Variants in XKRX observed in about 807,000 individuals in gnomAD.
XKRX encodes XK related X-linked, also known as XK-related protein 2.
Under a neutral mutation model 22.4 loss-of-function variants are expected in XKRX, and 11 were observed. That is an observed-to-expected ratio of 0.49 (90% CI 0.31 to 0.81). The LOEUF (loss-of-function observed/expected upper bound fraction) is 0.81, where lower values mean the gene tolerates loss of function less well. Among genes scored for constraint, XKRX ranks in the 40% least tolerant of loss-of-function variants. XKRX has a pLI of 0.05. For synonymous variants in XKRX, 114 were observed against 132.2 expected (o/e 0.86, Z 0.94); for missense variants, 320 against 336.5 (o/e 0.95, Z 0.38).
chrX:100,945,063 C>T, the XKRX span, among the ~76,000 whole-genome samples: 1 of 110,343 alleles, frequency 9.1e-6, no homozygotes, highest in Non-Finnish European at 1.9e-5. Context: ...AGTATTGCTT[C>T]TCAAATTTTC....
intron 2 of XKRX, among the ~76,000 whole-genome samples, chrX:100,921,583 C>T (rs764117046): frequency 9.0e-6 from 1 of 111,254 alleles, no homozygotes; most frequent in African/African-American, 3.3e-5. Flanking sequence ...CACACCTATA[C>T]CAGTGCCTGC....
intron 2 of XKRX, among the ~76,000 whole-genome samples, chrX:100,918,422 T>C (rs2085455969): frequency 8.9e-6 from 1 of 111,909 alleles, no homozygotes; most frequent in Admixed American, 9.5e-5. Context: ...GGCGATGCTT[T>C]CCCTTACATT....
chrX:100,917,714 G>GAAATAAATAAATAAAT (rs1163362148), intron 2 of XKRX, among the ~76,000 whole-genome samples: 1 of 105,025 alleles, frequency 9.5e-6, no homozygotes. Context: ...AAGAAAGAAA[G>GAAATAAATAAATAAAT]AAAGAAAGAA....
chrX:100,904,973 T>C, the XKRX span, among the ~76,000 whole-genome samples: 2,547 of 112,057 alleles, frequency 0.023, 71 homozygotes, highest in African/African-American at 0.079. Context: ...GCCTGTTTTC[T>C]GTGTGATGTA....
intron 2 of XKRX, 126 bp downstream of exon 2, chrX:100,922,667 T>A (rs2085478760): frequency 1.4e-6 from 1 of 696,597 alleles, no homozygotes; most frequent in Non-Finnish European, 2.0e-6. Flanking sequence ...AACAAGTTTT[T>A]AATTTTATTT....
chrX:100,888,529 C>A, the XKRX span: 3 of 636,234 alleles, frequency 4.7e-6, no homozygotes, highest in Non-Finnish European at 7.8e-6. Flanking sequence ...TTTCAAACCT[C>A]AACTCTCCAA....
upstream of XKRX, among the ~76,000 whole-genome samples, chrX:100,931,153 T>TAA (rs3833915): frequency 3.4e-5 from 3 of 87,171 alleles, no homozygotes; most frequent in Non-Finnish European, 4.6e-5. Context: ...AAATTAAAAA[T>TAA]AAAAAAAAAA....
At chrX:100,945,247 TACACACACAC>T in the XKRX span, among the ~76,000 whole-genome samples, 16 of 55,367 alleles carry the variant, frequency 2.9e-4, no homozygotes, top group South Asian at 2.8e-3. Flanking sequence ...ACCTGGGTGA[TACACACACAC>T]ACACACACAC....
the XKRX span, among the ~76,000 whole-genome samples, chrX:100,906,170 C>G: frequency 1.1e-4 from 12 of 111,473 alleles, no homozygotes; most frequent in East Asian, 8.4e-4. Context: ...CCCCTCCCCC[C>G]ACAAGTGCAT....
intron 2 of XKRX, among the ~76,000 whole-genome samples, chrX:100,919,977 C>CT (rs1315775224): frequency 9.0e-6 from 1 of 111,530 alleles, no homozygotes; most frequent in African/African-American, 3.3e-5. Flanking sequence ...TAGGAAACAA[C>CT]TTTTTTGTGA....
At chrX:100,896,811 CAG>C in the XKRX span, among the ~76,000 whole-genome samples, 1 of 111,034 alleles carries the variant, frequency 9.0e-6, no homozygotes, top group Non-Finnish European at 1.9e-5. Flanking sequence ...GCCTGGGAGA[CAG>C]AGTGACACCC....
the XKRX span, among the ~76,000 whole-genome samples, chrX:100,953,459 A>G: frequency 8.9e-6 from 1 of 111,792 alleles, no homozygotes; most frequent in African/African-American, 3.2e-5. Context: ...GACCAAAGGC[A>G]CAAGCAAAAA....
chrX:100,911,317 C>T (rs956848921), downstream of XKRX: 34 of 944,802 alleles, frequency 3.6e-5, no homozygotes, highest in African/African-American at 6.5e-4. Context: ...AGAAGAATCC[C>T]TCATTCCCAC....
chrX:100,925,590 G>A (rs1343715145), intron 1 of XKRX, among the ~76,000 whole-genome samples: 1 of 111,642 alleles, frequency 9.0e-6, no homozygotes, highest in Non-Finnish European at 1.9e-5. Context: ...AGAGGGGAGG[G>A]TGCAGCTGGG....
In XKRX at chrX:100,915,727, TATGA is replaced by T. The variant is rs1346723350; in HGVS notation, c.605-648_605-645del. 7.3e-5 allele frequency among the ~76,000 whole-genome samples: 8 copies of T among 109,381 alleles called. No individual in the cohort carries two copies. In the East Asian group the frequency reaches 1.5e-3, roughly 20 times the overall value. The allele number at this position is 109,381 out of a possible 115,157, so 95.0% of individuals were successfully genotyped here. On this transcript the variant is annotated intron_variant, in intron 2 of 2. Transcript: ENST00000372956. ...GTGTGTGCGTGTGTGTGTGTGTGTGTATGAATATTATTCAACCATAAAATTACAG... is the reference window on the plus strand; with the variant it reads ...GTGTGTGCGTGTGTGTGTGTGTGTGTATATTATTCAACCATAAAATTACAG...
intron 2 of XKRX, among the ~76,000 whole-genome samples, chrX:100,917,674 AAAAG>A (rs1556193930): frequency 0.031 from 782 of 25,368 alleles, 14 homozygotes; most frequent in Admixed American, 0.069. Context: ...AGAAAGAAAG[AAAAG>A]AAAGAAAGAA....
At chrX:100,950,925 A>G in the XKRX span, among the ~76,000 whole-genome samples, 2 of 111,551 alleles carry the variant, frequency 1.8e-5, no homozygotes, top group Non-Finnish European at 3.8e-5. Context: ...AGGACTAAAC[A>G]CTTACATTAG....
At chrX:100,906,998 G>A in the XKRX span, among the ~76,000 whole-genome samples, 3 of 111,190 alleles carry the variant, frequency 2.7e-5, no homozygotes, top group East Asian at 8.5e-4. Context: ...CCTATTTCAA[G>A]GTAAACTGAT....
At chrX:100,900,812 C>T in the XKRX span, among the ~76,000 whole-genome samples, 4 of 87,299 alleles carry the variant, frequency 4.6e-5, no homozygotes, top group East Asian at 3.6e-4. Flanking sequence ...TTTTTTGAGA[C>T]AGAGTCTTGT....
Sources: gnomAD v4.1 joint callset for allele counts (sites outside exome capture counted in the v4.1 genomes callset) on GRCh38, gnomAD v4.1.1 for gene constraint, MANE v1.5 for transcripts, NCBI Gene and HGNC (gene_info 2026-07-23, HGNC 2026-07-21) for gene names.